Variants in KLHL21 observed in about 807,000 individuals in gnomAD.
The protein encoded by KLHL21 is kelch like family member 21.
KLHL21 carries 42 observed loss-of-function variants against 44.1 expected under a neutral mutation model. The ratio of observed to expected loss-of-function variants is 0.95; its 90% confidence interval spans 0.74 to 1.23. The LOEUF (loss-of-function observed/expected upper bound fraction) is 1.23. Among genes scored for constraint, KLHL21 ranks in the 50% most tolerant of loss-of-function variants. The pLI, the probability that KLHL21 is intolerant of heterozygous loss-of-function variation, is 0.00. For synonymous variants in KLHL21, 524 were observed against 411.6 expected, an observed-to-expected ratio of 1.27 and a Z score of -3.31; for missense variants, 918 against 889.1, an observed-to-expected ratio of 1.03 and a Z score of -0.41.
At position 6,593,400 on chromosome 1, in the gene KLHL21, G is replaced by T; in HGVS notation, c.1759C>A (p.Pro587Thr). 1 of 1,606,558 alleles carries T rather than the reference G, an allele frequency of 6.2e-7. No homozygotes were observed. ...SGSDDMDPGR[P>T]RPPRDPDELH is the part of the protein sequence containing the mutation. The stretch of plus-strand genomic sequence containing the variant: ...TCATCGGGGTCCCGCGGCGGCCGGG[G>T]TCGGCCTGGGTCCATGTCATCGCTG... Residue 587 changes from proline to threonine, a missense_variant, in exon 4 of 4, where the codon CCC (proline) becomes ACC (threonine). By Grantham distance (38) the Pro-to-Thr change is conservative (BLOSUM62 -1). Transcript: ENST00000377658.
At chr1:6,601,305 G>A (rs1354286047) in intron 1 of KLHL21, among the ~76,000 whole-genome samples, 2 of 152,188 alleles carry the variant, frequency 1.3e-5, no homozygotes, top group African/African-American at 4.8e-5. Flanking sequence ...CCAGAGCACA[G>A]AGCCTAGGTG....
chr1:6,594,358 G>C (rs1298675536), intron 3 of KLHL21: 1 of 152,336 alleles, frequency 6.6e-6, no homozygotes, highest in Admixed American at 6.5e-5. Flanking sequence ...GAGAGAAGGG[G>C]TGGACCCTGG....
Position 6,599,179 on chromosome 1 carries a change from C to A in KLHL21, c.1295G>T (p.Gly432Val). Residue 432 changes from glycine (G) to valine (V), a missense_variant, in exon 2 of 4, where the codon GGC becomes GTC. By Grantham distance (109) the Gly-to-Val change is moderately radical (BLOSUM62 -3). Coordinates refer to ENST00000377658, the MANE Select transcript of KLHL21 (RefSeq NM_014851.4). ...GRLYAIGSLA[G>V]KETMVMQCYD... Reference sequence around the variant, plus strand: ...GCACTGCATCACCATGGTCTCCTTGCCAGCCAGGGAGCCGATGGCATAGAG... The same window carrying A: ...GCACTGCATCACCATGGTCTCCTTGACAGCCAGGGAGCCGATGGCATAGAG... 6.2e-7 allele frequency: 1 copy of A among 1,614,128 alleles called. No homozygotes were observed. Among genetic ancestry groups the A allele is most frequent in the Non-Finnish European group, 8.5e-7 (1 of 1,180,022 alleles).
chr1:6,593,650 C>G lies in KLHL21; in HGVS notation c.1509G>C (p.Val503=), dbSNP rs376684334. The change falls in exon 4 of 4, where the codon GTG becomes GTC. Residue 503 remains valine (V), a synonymous_variant. Coordinates refer to ENST00000377658, the MANE Select transcript of KLHL21 (RefSeq NM_014851.4). ...CCCCAAGGACGGCCAGGCTGCCCCC[C>G]ACATGTACCTGTGGGCCAAAGGGAT... ...DKIPSMNQVH[V]GGSLAVLGGK... 2.4e-4 allele frequency: 385 copies of G among 1,575,492 alleles called. 3 individuals carry two copies. Among genetic ancestry groups the G allele is most frequent in the South Asian group, 6.1e-4 (52 of 85,316 alleles).
At position 6,602,051 on chromosome 1, in the gene KLHL21, T is replaced by A; in HGVS notation, c.767A>T (p.Glu256Val). 6.6e-7 allele frequency: 1 copy of A among 1,522,218 alleles called. No individual in the cohort carries two copies. Among genetic ancestry groups the A allele is most frequent in the Non-Finnish European group, 8.8e-7 (1 of 1,133,978 alleles). The allele number at this position is 1,522,218 out of a possible 1,614,324, so 94.3% of individuals were successfully genotyped here. A position where few individuals can be genotyped will look rare whatever the true frequency, so the allele number is the denominator to read the frequency against. The change falls in exon 1 of 4, where the codon GAG (glutamate) becomes GTG (valine). Residue 256 changes from glutamate to valine, a missense_variant. By Grantham distance (121) the Glu-to-Val change is moderately radical. Coordinates refer to ENST00000377658, the MANE Select transcript of KLHL21 (RefSeq NM_014851.4). ...GCGCGCCGCCTGGAAGTCGCGCGCC[T>A]CGCGCAGCAGGCGCAGGCAGGGTGG... Reference protein sequence around the residue: ...RCPPCLRLLREARDFQAARYD... With the variant: ...RCPPCLRLLRVARDFQAARYD...
intron 1 of KLHL21, chr1:6,599,796 AG>A: frequency 7.7e-6 from 2 of 259,238 alleles, no homozygotes; most frequent in East Asian, 7.8e-5. Context: ...TCTCCTGGGG[AG>A]CCACAGAGCT....
At position 6,593,644 on chromosome 1, in the gene KLHL21, GC is replaced by G. The variant is rs1437362938; in HGVS notation, c.1514del (p.Gly505AlafsTer26). 5 of 1,580,762 alleles carry G rather than the reference GC, an allele frequency of 3.2e-6. No homozygotes were observed. The highest frequency in any genetic ancestry group is 4.3e-6 in the Non-Finnish European group (5 of 1,160,224). On this transcript the variant is annotated frameshift_variant, in exon 4 of 4. Transcript: ENST00000377658. LOFTEE classifies it high-confidence loss of function. ...IPSMNQVHVG[G>X]SLAVLGGKLY... ...GCTTCCCCCCAAGGACGGCCAGGCT[GC>G]CCCCCACATGTACCTGTGGGCCAAA...
Position 6,599,101 on chromosome 1 carries a change from G to T in KLHL21, c.1373C>A (p.Pro458His), listed in dbSNP as rs1175992945. Residue 458 changes from proline to histidine, a missense_variant, in exon 2 of 4, where the codon CCC (proline) becomes CAC (histidine). Transcript: ENST00000377658. ...WSLVDCGQLP[P>H]WSFAPKTATL... Reference sequence around the variant, plus strand: ...CGCAGTCTTGGGGGCGAAGGACCAGGGCGGGAGCTGGCCGCAGTCCACCAG... The same window carrying T: ...CGCAGTCTTGGGGGCGAAGGACCAGTGCGGGAGCTGGCCGCAGTCCACCAG... 3 of 1,612,168 alleles carry T rather than the reference G, an allele frequency of 1.9e-6. No homozygotes were observed. The East Asian group carries it at 6.7e-5, about 36-fold the overall frequency.
At position 6,602,638 on chromosome 1, in the gene KLHL21, G is replaced by A. The variant is rs981043670; in HGVS notation, c.180C>T (p.Tyr60=). Residue 60 remains tyrosine (Y), a synonymous_variant, in exon 1 of 4, where the codon TAC becomes TAT. Coordinates refer to ENST00000377658, the MANE Select transcript of KLHL21 (RefSeq NM_014851.4). The part of the protein sequence containing the change: ...HRAVLAAASP[Y]FRAMFAGQLR... ...GCTGCCCCGCGAACATGGCGCGGAA[G>A]TAGGGGCTGGCGGCGGCCAGCACCG... The A allele has an allele frequency of 2.0e-5, 30 of 1,517,296 alleles. No homozygotes were observed. The highest frequency in any genetic ancestry group is 2.5e-5 in the Non-Finnish European group (29 of 1,139,104). The allele number at this position is 1,517,296 out of a possible 1,614,324, so 94.0% of individuals were successfully genotyped here. A position where few individuals can be genotyped will look rare whatever the true frequency, so the allele number is the denominator to read the frequency against.
rs183686037 is a variant in KLHL21, at chr1:6,591,105, G to C, written c.*2260C>G. ...ATGACAGCCCAGAACCCACAGCAGA[G>C]GGAAACTGGGGAGAGGAGGGGGCCT... On this transcript the variant is annotated 3_prime_UTR_variant, in exon 4 of 4. Coordinates refer to ENST00000377658, the MANE Select transcript of KLHL21 (RefSeq NM_014851.4). 881 of 398,240 alleles carry C rather than the reference G, an allele frequency of 2.2e-3. 10 individuals carry two copies. Among genetic ancestry groups the C allele is most frequent in the Non-Finnish European group, 3.0e-3 (683 of 225,868 alleles). The allele number at this position is 398,240 out of a possible 1,614,324, so 24.7% of individuals were successfully genotyped here.
At chr1:6,594,043 G>C in intron 3 of KLHL21, 2 of 1,032,802 alleles carry the variant, frequency 1.9e-6, no homozygotes, top group Non-Finnish European at 2.3e-6. Context: ...GCAGAGCTGG[G>C]CTCTGAACCG....
At position 6,602,743 on chromosome 1, in the gene KLHL21, C is replaced by A; in HGVS notation, c.75G>T (p.Leu25=). 6.6e-7 allele frequency: 1 copy of A among 1,510,720 alleles called. No homozygotes were observed. Among genetic ancestry groups the A allele is most frequent in the Admixed American group, 2.1e-5 (1 of 48,456 alleles). The allele number at this position is 1,510,720 out of a possible 1,614,324, so 93.6% of individuals were successfully genotyped here. A position where few individuals can be genotyped will look rare whatever the true frequency, so the allele number is the denominator to read the frequency against. Residue 25 remains leucine, a synonymous_variant, in exon 1 of 4, where the codon CTG becomes CTT. Coordinates refer to ENST00000377658, the MANE Select transcript of KLHL21 (RefSeq NM_014851.4). ...PAHALSLLRG[L]SQLRAERKFL... ...ACTTGCGCTCGGCGCGCAGCTGGCTCAGGCCGCGCAGCAGGCTCAGGGCGT... is the reference window on the plus strand; with the variant it reads ...ACTTGCGCTCGGCGCGCAGCTGGCTAAGGCCGCGCAGCAGGCTCAGGGCGT...
At chr1:6,601,616 C>T (rs1265539830) in intron 1 of KLHL21, among the ~76,000 whole-genome samples, 181 bp downstream of exon 1, 3 of 152,224 alleles carry the variant, frequency 2.0e-5, no homozygotes, top group Non-Finnish European at 1.5e-5. Flanking sequence ...CCGGCTCACA[C>T]AAGGGGCCCT....
At position 6,593,666 on chromosome 1, in the gene KLHL21, C is replaced by T. The variant is rs1354180257; in HGVS notation, c.1501-8G>A. On this transcript the variant is annotated splice_polypyrimidine_tract_variant and splice_region_variant and intron_variant, in intron 3 of 3. Coordinates refer to ENST00000377658, the MANE Select transcript of KLHL21 (RefSeq NM_014851.4). Reference sequence around the variant, plus strand: ...GCTGCCCCCCACATGTACCTGTGGGCCAAAGGGATGAGTGAGTGGAGGTCA... The same window carrying T: ...GCTGCCCCCCACATGTACCTGTGGGTCAAAGGGATGAGTGAGTGGAGGTCA... The T allele has an allele frequency of 6.4e-7, 1 of 1,562,592 alleles. No individual in the cohort carries two copies. Among genetic ancestry groups the T allele is most frequent in the African/African-American group, 1.4e-5 (1 of 73,864 alleles).
chr1:6,592,202 C>T lies in KLHL21; in HGVS notation c.*1163G>A, dbSNP rs907968139. 2.0e-5 allele frequency: 3 copies of T among 152,270 alleles called. No individual in the cohort carries two copies. Among genetic ancestry groups the T allele is most frequent in the Non-Finnish European group, 2.9e-5 (2 of 68,060 alleles). 9.4% of individuals were successfully genotyped at this position (152,270 alleles called of 1,614,324 possible). A position where few individuals can be genotyped will look rare whatever the true frequency, so the allele number is the denominator to read the frequency against. On this transcript the variant is annotated 3_prime_UTR_variant, in exon 4 of 4. Transcript: ENST00000377658. ...TGTCTTCCTGCTGAGAACATCTCTA[C>T]GAGTTAGTTCACTAGAAAAGGCAAT...
intron 2 of KLHL21, 53 bp downstream of exon 2, chr1:6,598,994 G>A (rs918463750): frequency 8.9e-5 from 133 of 1,499,436 alleles, no homozygotes; most frequent in Non-Finnish European, 6.3e-5. Flanking sequence ...GCTTAAGACA[G>A]GGCCTGGTAA....
chr1:6,599,164 A>G lies in KLHL21; in HGVS notation c.1310T>C (p.Val437Ala). The change falls in exon 2 of 4, where the codon GTG becomes GCG. Residue 437 changes from valine (V) to alanine (A), a missense_variant. Val to Ala is a moderately conservative substitution (Grantham distance 64). Transcript: ENST00000377658. ...IGSLAGKETM[V>A]MQCYDPDTDL... ...GGTGTCCGGGTCGTAGCACTGCATC[A>G]CCATGGTCTCCTTGCCAGCCAGGGA... 6.2e-7 allele frequency: 1 copy of G among 1,614,018 alleles called. No homozygotes were observed.
rs1345939827 is a variant in KLHL21 at position 6,602,176 on chromosome 1, G to C, written c.642C>G (p.Ala214=). The change falls in exon 1 of 4, where the codon GCC becomes GCG. Residue 214 remains alanine (A), a synonymous_variant. Transcript: ENST00000377658. ...CCTCCAGCAGCTGCGGCCAGTGCGCGGCGCGGCGCGGCGGGTCAGCGCGGA... is the reference window on the plus strand; with the variant it reads ...CCTCCAGCAGCTGCGGCCAGTGCGCCGCGCGGCGCGGCGGGTCAGCGCGGA... ...RWVRADPPRR[A]AHWPQLLEAV... The C allele has an allele frequency of 7.0e-7, 1 of 1,429,922 alleles. No individual in the cohort carries two copies. 88.6% of individuals were successfully genotyped at this position (1,429,922 alleles called of 1,614,324 possible).
chr1:6,601,733 A>C lies in KLHL21; in HGVS notation c.1021+64T>G. The C allele has an allele frequency of 1.4e-6, 2 of 1,467,682 alleles. 1 individual carries two copies. Among genetic ancestry groups the C allele is most frequent in the Non-Finnish European group, 1.8e-6 (2 of 1,100,432 alleles). The allele number at this position is 1,467,682 out of a possible 1,614,324, so 90.9% of individuals were successfully genotyped here. ...GGCTCTGTGCGCTTCCCCCGCGAAT[A>C]GCTGGGCTCCCGTACCGGCGAGGTT... On this transcript the variant is annotated intron_variant, in intron 1 of 3. Coordinates refer to ENST00000377658, the MANE Select transcript of KLHL21 (RefSeq NM_014851.4).
Sources: allele counts gnomAD v4.1 joint callset (sites outside exome capture counted in the v4.1 genomes callset), GRCh38; gene constraint gnomAD v4.1.1; transcripts MANE v1.5; gene names NCBI Gene and HGNC (gene_info 2026-07-23, HGNC 2026-07-21).